Variants in PPM1L observed in about 807,000 individuals in gnomAD.
PPM1L encodes the protein protein phosphatase 1L.
In PPM1L, 13 loss-of-function variants were observed where a neutral mutation model predicts 31.4. That is an observed-to-expected ratio of 0.41 (90% CI 0.27 to 0.66). PPM1L has a LOEUF of 0.66. PPM1L is among the 30% of genes least tolerant of loss of function. The pLI, the probability that PPM1L is intolerant of heterozygous loss-of-function variation, is 0.29. For missense variants in PPM1L, 326 were observed against 453.7 expected (o/e 0.72, Z 2.56); for synonymous variants, 184 against 175.4 (o/e 1.05, Z -0.39).
At chr3:160,969,202 A>G (rs1344999312) in intron 2 of PPM1L, among the ~76,000 whole-genome samples, 1 of 152,236 alleles carries the variant, frequency 6.6e-6, no homozygotes, top group Non-Finnish European at 1.5e-5. Flanking sequence ...CTCTACCTGC[A>G]GGTGAAAGCT....
intron 1 of PPM1L, among the ~76,000 whole-genome samples, chr3:160,884,213 A>G (rs1246188412): frequency 6.6e-6 from 1 of 152,188 alleles, no homozygotes; most frequent in African/African-American, 2.4e-5. Flanking sequence ...GAGATATACA[A>G]TGTGATTGGG....
At chr3:160,883,042 T>C (rs1473415180) in intron 1 of PPM1L, among the ~76,000 whole-genome samples, 1 of 152,236 alleles carries the variant, frequency 6.6e-6, no homozygotes, top group Non-Finnish European at 1.5e-5. Context: ...CGTAACTCCC[T>C]CATTAAATGT....
At chr3:160,894,533 T>TTA in intron 1 of PPM1L, among the ~76,000 whole-genome samples, 1 of 152,194 alleles carries the variant, frequency 6.6e-6, no homozygotes, top group Non-Finnish European at 1.5e-5. Context: ...AAAGAAGGAC[T>TTA]CCTAAATATT....
chr3:160,994,860 C>T (rs1167971142), intron 2 of PPM1L, among the ~76,000 whole-genome samples: 1 of 152,108 alleles, frequency 6.6e-6, no homozygotes, highest in Non-Finnish European at 1.5e-5. Context: ...GAGGCTGAGG[C>T]ACAGGCAGTC....
At chr3:161,023,640 T>C (rs778220104) in intron 2 of PPM1L, among the ~76,000 whole-genome samples, 25 of 152,198 alleles carry the variant, frequency 1.6e-4, no homozygotes, top group Non-Finnish European at 2.8e-4. Flanking sequence ...ATCCTTATAC[T>C]TTCCTTTAGT....
chr3:160,951,149 G>A (rs570049603), intron 1 of PPM1L, among the ~76,000 whole-genome samples: 5 of 152,296 alleles, frequency 3.3e-5, no homozygotes, highest in South Asian at 2.1e-4. Context: ...GCTGAGTGCC[G>A]CTTGTTTTCT....
intron 1 of PPM1L, among the ~76,000 whole-genome samples, chr3:160,809,988 A>G (rs952954498): frequency 6.6e-6 from 1 of 152,082 alleles, no homozygotes; most frequent in African/African-American, 2.4e-5. Context: ...TGTAATGGTT[A>G]TATGATATAC....
At chr3:161,034,982 G>A (rs1361416037) in intron 2 of PPM1L, among the ~76,000 whole-genome samples, 2 of 151,634 alleles carry the variant, frequency 1.3e-5, no homozygotes, top group African/African-American at 4.9e-5. Context: ...ACTAACACAG[G>A]AACAGAAAAC....
intron 1 of PPM1L, among the ~76,000 whole-genome samples, chr3:160,800,865 A>G (rs991969424): frequency 6.6e-6 from 1 of 152,214 alleles, no homozygotes; most frequent in African/African-American, 2.4e-5. Flanking sequence ...GTAGAAAACA[A>G]TGATTAACAA....
intron 2 of PPM1L, among the ~76,000 whole-genome samples, chr3:160,965,895 G>A (rs550248548): frequency 5.9e-4 from 89 of 152,000 alleles, no homozygotes; most frequent in African/African-American, 1.5e-3. Context: ...TATTTGTAGC[G>A]TCTAAACTTC....
intron 1 of PPM1L, among the ~76,000 whole-genome samples, chr3:160,905,134 G>A (rs1330541141): frequency 6.6e-6 from 1 of 152,086 alleles, no homozygotes; most frequent in Non-Finnish European, 1.5e-5. Flanking sequence ...GAATGTTAAG[G>A]GTAGTTTTGA....
At chr3:161,018,580 A>C (rs1428100254) in intron 2 of PPM1L, among the ~76,000 whole-genome samples, 1 of 152,154 alleles carries the variant, frequency 6.6e-6, no homozygotes, top group Non-Finnish European at 1.5e-5. Flanking sequence ...ATGGAATCAT[A>C]TCTCTTTAGG....
intron 1 of PPM1L, among the ~76,000 whole-genome samples, chr3:160,873,150 G>A (rs983627329): frequency 6.6e-6 from 1 of 152,140 alleles, no homozygotes; most frequent in African/African-American, 2.4e-5. Flanking sequence ...CACTGTTACA[G>A]GGTAGCTAAC....
chr3:160,957,577 C>CTTTTTTTT (rs35644904), intron 1 of PPM1L, among the ~76,000 whole-genome samples: 1 of 129,210 alleles, frequency 7.7e-6, no homozygotes, highest in Non-Finnish European at 1.6e-5. Context: ...TATTATTTGA[C>CTTTTTTTT]TTTTTTTTTT....
intron 2 of PPM1L, among the ~76,000 whole-genome samples, chr3:161,001,252 G>T (rs1331920104): frequency 6.6e-6 from 1 of 151,972 alleles, no homozygotes; most frequent in Non-Finnish European, 1.5e-5. Flanking sequence ...CAAACAACAA[G>T]AAAATACCCA....
At chr3:161,006,680 CTTTTTTTTTT>C (rs1180679318) in intron 2 of PPM1L, among the ~76,000 whole-genome samples, 1 of 118,898 alleles carries the variant, frequency 8.4e-6, no homozygotes, top group South Asian at 2.8e-4. Context: ...ACCGTCTTTC[CTTTTTTTTTT>C]TTTTTTTTTT....
At chr3:160,818,929 A>G (rs1193961714) in intron 1 of PPM1L, among the ~76,000 whole-genome samples, 3 of 151,866 alleles carry the variant, frequency 2.0e-5, no homozygotes, top group African/African-American at 7.3e-5. Flanking sequence ...CATGGTTCTA[A>G]CTTCTGTTGC....
chr3:160,812,709 T>C (rs1326841033), intron 1 of PPM1L, among the ~76,000 whole-genome samples: 1 of 151,768 alleles, frequency 6.6e-6, no homozygotes, highest in African/African-American at 2.4e-5. Flanking sequence ...CCTGGAAAGG[T>C]GGGATTGCTT....
At chr3:160,767,611 A>G (rs1020287480) in intron 1 of PPM1L, among the ~76,000 whole-genome samples, 1 of 152,220 alleles carries the variant, frequency 6.6e-6, no homozygotes, top group Non-Finnish European at 1.5e-5. Flanking sequence ...CTGGAGTAGT[A>G]AACACTTATT....
Sources: allele counts gnomAD v4.1 joint callset (sites outside exome capture counted in the v4.1 genomes callset), GRCh38; gene constraint gnomAD v4.1.1; transcripts MANE v1.5; gene names NCBI Gene and HGNC (gene_info 2026-07-23, HGNC 2026-07-21).